PDXDC1: variants seen among roughly 807,000 people sequenced by gnomAD.
The protein encoded by PDXDC1 is pyridoxal dependent decarboxylase domain containing 1.
In PDXDC1, 42 loss-of-function variants were observed where a neutral mutation model predicts 100.1. That is an observed-to-expected ratio of 0.42 (90% CI 0.33 to 0.54). The LOEUF (loss-of-function observed/expected upper bound fraction) is 0.54. Ranked by LOEUF, PDXDC1 falls within the 20% of genes least tolerant of loss-of-function variation. The pLI, the probability that PDXDC1 is intolerant of heterozygous loss-of-function variation, is 0.10. For synonymous variants in PDXDC1, 260 were observed against 371.7 expected (o/e 0.70, Z 3.46); for missense variants, 636 against 979.2 (o/e 0.65, Z 4.68).
At chr16:15,125,290 C>A (rs1488658835) in intron 16 of PDXDC1, 1 of 628,592 alleles carries the variant, frequency 1.6e-6, no homozygotes, top group East Asian at 2.8e-5. Context: ...GTCCGGCCAA[C>A]TGGGCGTTCC....
chr16:15,069,893 A>G (rs1264187909), intron 16 of PDXDC1, among the ~76,000 whole-genome samples: 1 of 152,156 alleles, frequency 6.6e-6, no homozygotes, highest in Non-Finnish European at 1.5e-5. Context: ...GCTCAAATCT[A>G]TCTTAAGGGG....
chr16:15,068,364 AT>A (rs2045069620), intron 16 of PDXDC1: 3 of 1,463,136 alleles, frequency 2.1e-6, no homozygotes, highest in Non-Finnish European at 2.7e-6. Flanking sequence ...ATTATCACAC[AT>A]TTAAAAAAAA....
chr16:15,090,492 A>C (rs898162977), intron 16 of PDXDC1, among the ~76,000 whole-genome samples: 4 of 152,224 alleles, frequency 2.6e-5, no homozygotes, highest in African/African-American at 9.6e-5. Context: ...CCAGCTTTTT[A>C]GAAGGCTGAA....
At chr16:15,086,033 A>G (rs2045904549) in intron 16 of PDXDC1, 1 of 1,044,494 alleles carries the variant, frequency 9.6e-7, no homozygotes, top group Non-Finnish European at 1.4e-6. Context: ...ATGCATCTGG[A>G]ATCTTCCATG....
At chr16:15,033,454 G>T in intron 19 of PDXDC1, 55 bp downstream of exon 19, 1 of 1,587,246 alleles carries the variant, frequency 6.3e-7, no homozygotes, top group East Asian at 2.3e-5. Flanking sequence ...CCACCAAACA[G>T]CAGGGGCCAC....
intron 16 of PDXDC1, among the ~76,000 whole-genome samples, chr16:15,084,929 G>A (rs1275023485): frequency 4.6e-5 from 7 of 151,982 alleles, no homozygotes; most frequent in African/African-American, 7.3e-5. Flanking sequence ...AGCCAGGCAT[G>A]GTGGCAAATG....
At chr16:15,069,686 G>A (rs1283093589) in intron 16 of PDXDC1, among the ~76,000 whole-genome samples, 1 of 152,128 alleles carries the variant, frequency 6.6e-6, no homozygotes. Context: ...GTCTGTAAAG[G>A]GAGAATACCT....
chr16:15,043,716 G>A (rs540155245), intron 16 of PDXDC1, among the ~76,000 whole-genome samples: 20 of 152,168 alleles, frequency 1.3e-4, no homozygotes, highest in Admixed American at 3.9e-4. Context: ...TTAAGAGGCC[G>A]AGGCAGGTGC....
At chr16:15,129,539 C>T (rs564105951) in intron 16 of PDXDC1, among the ~76,000 whole-genome samples, 5 of 152,344 alleles carry the variant, frequency 3.3e-5, no homozygotes, top group South Asian at 2.1e-4. Context: ...AGGGTGCTGG[C>T]GCCTCCGTCT....
In PDXDC1 at chr16:15,086,659, T is replaced by C. The variant is rs538539460; in HGVS notation, c.1400-52220T>C. 4.4e-4 allele frequency among the ~76,000 whole-genome samples: 67 copies of C among 152,326 alleles called. 2 individuals are homozygous for C. The South Asian group carries it at 0.013, about 29-fold the overall frequency. The stretch of plus-strand genomic sequence containing the variant: ...TTTTAAGAAAGTAATCTAGTAACTC[T>C]AATACACAGGAGAAAGACTTAAATG... On this transcript the variant is annotated intron_variant, in intron 16 of 16. Transcript: ENST00000535621.
At chr16:15,012,543 C>T (rs1466129861) in intron 8 of PDXDC1, among the ~76,000 whole-genome samples, 1 of 152,276 alleles carries the variant, frequency 6.6e-6, no homozygotes, top group African/African-American at 2.4e-5. Flanking sequence ...TGAGACATTA[C>T]TACATGTCTG....
Position 15,130,284 on chromosome 16 carries a change from T to C in PDXDC1, c.1400-8595T>C, listed in dbSNP as rs886501465. ...GAGGTGGCGGGTGAGGCAGACGGCC[T>C]GGCGGGGCGAGGTCTCCTCCAGGGG... is the stretch of plus-strand genomic sequence containing the variant. On this transcript the variant is annotated intron_variant, in intron 16 of 16. Coordinates refer to the PDXDC1 transcript ENST00000535621. 1.5e-5 allele frequency: 23 copies of C among 1,538,720 alleles called. No homozygotes were observed. In the African/African-American group the frequency reaches 3.0e-4, roughly 20 times the overall value.
intron 1 of PDXDC1, chr16:14,976,753 A>G (rs28406796): frequency 0.23 from 32,663 of 143,962 alleles, 283 homozygotes; most frequent in African/African-American, 0.35. Flanking sequence ...TAAACATCCT[A>G]CGTTGCACAG....
intron 16 of PDXDC1, chr16:15,132,834 C>T (rs561674270): frequency 2.2e-5 from 34 of 1,565,672 alleles, no homozygotes; most frequent in African/African-American, 2.2e-4. Context: ...CGCTGCCGCT[C>T]GTGCTTGGGC....
chr16:15,057,868 T>C (rs1364997830), intron 16 of PDXDC1, among the ~76,000 whole-genome samples: 2 of 152,176 alleles, frequency 1.3e-5, no homozygotes, highest in Non-Finnish European at 2.9e-5. Context: ...TTTTGGGTGA[T>C]CTTTTTTCAA....
At chr16:15,122,101 T>C (rs867820758) in intron 16 of PDXDC1, among the ~76,000 whole-genome samples, 3 of 151,202 alleles carry the variant, frequency 2.0e-5, no homozygotes, top group African/African-American at 7.3e-5. Context: ...GAAGCGGAGG[T>C]TGCAGTGAGC....
At chr16:15,056,490 A>C (rs2044528571) in intron 16 of PDXDC1, among the ~76,000 whole-genome samples, 1 of 152,170 alleles carries the variant, frequency 6.6e-6, no homozygotes, top group Non-Finnish European at 1.5e-5. Context: ...TAATAAACCT[A>C]ATCAGGCGGG....
intron 1 of PDXDC1, chr16:14,989,963 C>T: frequency 6.8e-7 from 1 of 1,461,366 alleles, no homozygotes; most frequent in Non-Finnish European, 9.0e-7. Context: ...TGGCCGCCTC[C>T]AGGCAGGCAG....
At chr16:15,131,039 C>G (rs761553871) in intron 16 of PDXDC1, 38 of 1,513,612 alleles carry the variant, frequency 2.5e-5, no homozygotes, top group East Asian at 4.7e-5. Flanking sequence ...CGCCTTCCCC[C>G]CAAGAACAAG....
Sources: gnomAD v4.1 joint callset for allele counts (sites outside exome capture counted in the v4.1 genomes callset) on GRCh38, gnomAD v4.1.1 for gene constraint, MANE v1.5 for transcripts, NCBI Gene and HGNC (gene_info 2026-07-23, HGNC 2026-07-21) for gene names.